The following PLAUR variants were observed in gnomAD, a reference collection of about 807,000 sequenced individuals.
PLAUR encodes plasminogen activator, urokinase receptor.
PLAUR carries 22 observed loss-of-function variants against 33.4 expected under a neutral mutation model. That is an observed-to-expected ratio of 0.66 (90% CI 0.47 to 0.94). The LOEUF (loss-of-function observed/expected upper bound fraction) is 0.94, where lower values mean the gene tolerates loss of function less well. Ranked by LOEUF, PLAUR falls within the 40% of genes least tolerant of loss-of-function variation. The pLI, the probability that PLAUR is intolerant of heterozygous loss-of-function variation, is 0.00. For synonymous variants in PLAUR, 148 were observed against 167.3 expected (o/e 0.88, Z 0.89); for missense variants, 408 against 434.7 (o/e 0.94, Z 0.55).
intron 5 of PLAUR, 70 bp from the exon 6 acceptor site, chr19:43,652,441 TC>T: frequency 6.9e-7 from 1 of 1,447,066 alleles, no homozygotes; most frequent in Non-Finnish European, 9.6e-7. Flanking sequence ...TTGAATGACC[TC>T]CCCAGGACTT....
chr19:43,652,398 A>G, intron 5 of PLAUR, 27 bp from the exon 6 acceptor site: 1 of 1,608,066 alleles, frequency 6.2e-7, no homozygotes, highest in South Asian at 1.1e-5. Flanking sequence ...AGACACAGAG[A>G]CCAAGAAAAT....
At chr19:43,659,817 C>A (rs1165752000) in intron 3 of PLAUR, among the ~76,000 whole-genome samples, 1 of 152,222 alleles carries the variant, frequency 6.6e-6, no homozygotes, top group Non-Finnish European at 1.5e-5. Context: ...TCCTTTTGCT[C>A]TGCTGTTTCT....
chr19:43,649,034 A>G lies in PLAUR; in HGVS notation c.864T>C (p.Cys288=). The G allele has an allele frequency of 6.2e-7, 1 of 1,614,220 alleles. No individual in the cohort carries two copies. The highest frequency in any genetic ancestry group is 8.5e-7 in the Non-Finnish European group (1 of 1,180,044). Residue 288 remains cysteine, a synonymous_variant, in exon 7 of 7, where the codon TGT becomes TGC. Transcript: ENST00000340093. The stretch of plus-strand genomic sequence containing the variant: ...CTGGGTGGTTACAGCCACTTTTAGT[A>G]CAGCAGGAGACATCAATGTGGTTCA... ...FSMNHIDVSC[C]TKSGCNHPDL...
chr19:43,669,923 G>T, intron 1 of PLAUR, 143 bp downstream of exon 1: 1 of 763,624 alleles, frequency 1.3e-6, no homozygotes, highest in Non-Finnish European at 2.2e-6. Context: ...GCGTGGCGTT[G>T]CACAAAGCAC....
chr19:43,667,498 C>G (rs1368947316), intron 2 of PLAUR, 83 bp downstream of exon 2: 17 of 912,774 alleles, frequency 1.9e-5, no homozygotes, highest in Middle Eastern at 3.1e-4. Flanking sequence ...GTTTGCATGT[C>G]CCAGTTACTG....
intron 3 of PLAUR, among the ~76,000 whole-genome samples, chr19:43,656,966 CAG>C (rs1974241315): frequency 6.9e-6 from 1 of 144,234 alleles, no homozygotes; most frequent in Admixed American, 7.1e-5. Flanking sequence ...TTTCCCGAGA[CAG>C]AGTCTCACTC....
intron 2 of PLAUR, among the ~76,000 whole-genome samples, chr19:43,666,507 GCCTCTCTCCGTCCCTCCCTCCCTT>G (rs1967260096): frequency 1.0e-5 from 1 of 95,322 alleles, no homozygotes; most frequent in Non-Finnish European, 1.9e-5. Flanking sequence ...CTCCCTCCCT[GCCTCTCTCCGTCCCTCCCTCCCTT>G]CCTCTCTCTC....
chr19:43,658,586 C>G (rs1317273519), intron 3 of PLAUR, among the ~76,000 whole-genome samples: 1 of 152,126 alleles, frequency 6.6e-6, no homozygotes, highest in African/African-American at 2.4e-5. Context: ...CAACTGGATC[C>G]GTTACTTTTC....
intron 3 of PLAUR, among the ~76,000 whole-genome samples, chr19:43,664,896 A>G (rs1015492081): frequency 6.6e-6 from 1 of 152,216 alleles, no homozygotes; most frequent in Non-Finnish European, 1.5e-5. Flanking sequence ...TTAAGGGCAG[A>G]GTTGCAAGTT....
chr19:43,667,340 G>A, intron 2 of PLAUR: 1 of 561,806 alleles, frequency 1.8e-6, no homozygotes, highest in Non-Finnish European at 3.2e-6. Context: ...TTGCCGAATC[G>A]CTCTAAGTGG....
chr19:43,669,332 G>T (rs751926102), intron 1 of PLAUR, among the ~76,000 whole-genome samples: 18 of 152,216 alleles, frequency 1.2e-4, no homozygotes, highest in Non-Finnish European at 2.1e-4. Flanking sequence ...GGGAGACCCA[G>T]CAGCGTGGAG....
intron 2 of PLAUR, among the ~76,000 whole-genome samples, chr19:43,666,181 G>T (rs1038813644): frequency 6.6e-6 from 1 of 152,110 alleles, no homozygotes; most frequent in African/African-American, 2.4e-5. Context: ...TTCTGCCTTA[G>T]CCTCCTGAGT....
At chr19:43,659,167 C>CTTTCTTT (rs1555780398) in intron 3 of PLAUR, among the ~76,000 whole-genome samples, 4 of 97,140 alleles carry the variant, frequency 4.1e-5, no homozygotes, top group East Asian at 2.9e-4. Context: ...CTTTTCTTTT[C>CTTTCTTT]TTTTTTTTTT....
chr19:43,670,095 A>G lies in PLAUR; in HGVS notation c.26T>C (p.Leu9Pro). 1 of 1,612,636 alleles carries G rather than the reference A, an allele frequency of 6.2e-7. No homozygotes were observed. Among genetic ancestry groups the G allele is most frequent in the Non-Finnish European group, 8.5e-7 (1 of 1,179,510 alleles). ...GACGCAGGTGTGGAGCAGCAGCAGC[A>G]GCGGCAGCAGCGGCGGGTGACCCAT... MGHPPLLP[L>P]LLLLHTCVPA... Residue 9 changes from leucine (L) to proline (P), a missense_variant, in exon 1 of 7, where the codon CTG becomes CCG. Transcript: ENST00000340093.
At chr19:43,668,111 C>G (rs932049433) in intron 1 of PLAUR, 27 of 1,008,914 alleles carry the variant, frequency 2.7e-5, no homozygotes, top group Non-Finnish European at 3.0e-5. Context: ...GCCCCACCCG[C>G]GTCGATCTTT....
chr19:43,668,086 G>T, intron 1 of PLAUR: 1 of 1,032,020 alleles, frequency 9.7e-7, no homozygotes, highest in Non-Finnish European at 1.2e-6. Flanking sequence ...GTTCTGCTGG[G>T]GACGTTCTAG....
At chr19:43,659,255 G>A (rs529358646) in intron 3 of PLAUR, among the ~76,000 whole-genome samples, 1 of 144,904 alleles carries the variant, frequency 6.9e-6, no homozygotes, top group African/African-American at 2.6e-5. Context: ...CTGAGCTCAG[G>A]TGATTCTCCC....
Position 43,665,397 on chromosome 19 carries a change from G to A in PLAUR, c.229C>T (p.Leu77=), listed in dbSNP as rs755925976. ...ATCTTCAAGCCAGTCCGATAGCTCA[G>A]GGTCCTGTTGGTCTTCTCTGAGTGG... ...CTHSEKTNRT[L]SYRTGLKITS... is the part of the protein sequence containing the mutation. Residue 77 remains leucine, a synonymous_variant, in exon 3 of 7, where the codon CTG becomes TTG. Coordinates refer to ENST00000340093, the MANE Select transcript of PLAUR (RefSeq NM_002659.4). The A allele has an allele frequency of 6.2e-7, 1 of 1,613,644 alleles. No homozygotes were observed. Among genetic ancestry groups the A allele is most frequent in the Admixed American group, 1.7e-5 (1 of 59,962 alleles).
rs530787123 is a variant in PLAUR at position 43,665,422 on chromosome 19, G to A, written c.204C>T (p.Thr68=). The part of the protein sequence containing the change: ...EELELVEKSC[T]HSEKTNRTLS... ...GGGTCCTGTTGGTCTTCTCTGAGTG[G>A]GTACAGCTTTTCTCCACCAGCTCCA... The change falls in exon 3 of 7, where the codon ACC becomes ACT. Residue 68 remains threonine, a synonymous_variant. Transcript: ENST00000340093. 4.2e-5 allele frequency: 67 copies of A among 1,613,214 alleles called. No individual in the cohort carries two copies. The highest frequency in any genetic ancestry group is 2.0e-4 in the African/African-American group (15 of 74,740).
Sources: allele counts gnomAD v4.1 joint callset (sites outside exome capture counted in the v4.1 genomes callset), GRCh38; gene constraint gnomAD v4.1.1; transcripts MANE v1.5; gene names NCBI Gene and HGNC (gene_info 2026-07-23, HGNC 2026-07-21).